The following LBP variants were observed in gnomAD, a reference collection of about 807,000 sequenced individuals.
The protein encoded by LBP is lipopolysaccharide binding protein.
A neutral mutation model predicts 56.6 loss-of-function variants in LBP; 53 were observed. The ratio of observed to expected loss-of-function variants is 0.94; its 90% CI spans 0.75 to 1.18. LBP has a LOEUF of 1.18. Ranked by LOEUF, LBP falls within the 50% of genes most tolerant of loss-of-function variation. LBP has a pLI of 0.00. For synonymous variants in LBP, 227 were observed against 247.5 expected, an observed-to-expected ratio of 0.92 and a Z score of 0.78; for missense variants, 601 against 598.3, an observed-to-expected ratio of 1.00 and a Z score of -0.05.
Position 38,376,811 on chromosome 20 carries a change from C to A in LBP, c.*142C>A. ...GGTGAGGTGTGCCTGGCCTCTGCCT[C>A]CACCCTCCTCCTCTTCACCAGGTGC... is the stretch of plus-strand genomic sequence containing the variant. On this transcript the variant is annotated 3_prime_UTR_variant, in exon 15 of 15. Transcript: ENST00000217407. 2.5e-6 allele frequency: 2 copies of A among 813,912 alleles called. No individual in the cohort carries two copies. Among genetic ancestry groups the A allele is most frequent in the East Asian group, 2.5e-5 (1 of 40,130 alleles). 50.4% of individuals were successfully genotyped at this position (813,912 alleles called of 1,614,324 possible). A position where few individuals can be genotyped will look rare whatever the true frequency, so the allele number is the denominator to read the frequency against.
At chr20:38,354,048 G>C (rs1403977242) in intron 3 of LBP, among the ~76,000 whole-genome samples, 1 of 151,958 alleles carries the variant, frequency 6.6e-6, no homozygotes. Context: ...GTTTATCAAG[G>C]ATTTCCTTTA....
At chr20:38,371,537 C>T (rs2076900872) in intron 12 of LBP, among the ~76,000 whole-genome samples, 1 of 152,168 alleles carries the variant, frequency 6.6e-6, no homozygotes, top group South Asian at 2.1e-4. Flanking sequence ...ATCTACTGAA[C>T]AGAATTCTCT....
At chr20:38,372,600 G>A (rs1013317527) in intron 12 of LBP, among the ~76,000 whole-genome samples, 4 of 152,088 alleles carry the variant, frequency 2.6e-5, no homozygotes, top group South Asian at 2.1e-4. Flanking sequence ...TCAGTTTCCC[G>A]ATATATGGAA....
At position 38,355,420 on chromosome 20, in the gene LBP, C is replaced by T; in HGVS notation, c.588+11C>T. ...GTACTGGAGAGCAGGGTAAGAAGGTCCAAGCCTCTGGCCTCCCCCGAGCTT... is the reference window on the plus strand; with the variant it reads ...GTACTGGAGAGCAGGGTAAGAAGGTTCAAGCCTCTGGCCTCCCCCGAGCTT... On this transcript the variant is annotated intron_variant, in intron 5 of 14. Transcript: ENST00000217407. 3 of 1,612,608 alleles carry T rather than the reference C, an allele frequency of 1.9e-6. No homozygotes were observed. The highest frequency in any genetic ancestry group is 2.5e-6 in the Non-Finnish European group (3 of 1,179,224).
chr20:38,357,279 G>A (rs1392084491), intron 5 of LBP, among the ~76,000 whole-genome samples: 2 of 152,168 alleles, frequency 1.3e-5, no homozygotes, highest in Admixed American at 6.5e-5. Context: ...ATCAGGATTG[G>A]AGCTTCCTAG....
Position 38,376,956 on chromosome 20 carries a change from A to T in LBP, c.*287A>T, listed in dbSNP as rs1482903393. 1 of 573,030 alleles carries T rather than the reference A, an allele frequency of 1.7e-6. No homozygotes were observed. The highest frequency in any genetic ancestry group is 1.5e-5 in the South Asian group (1 of 65,640). 35.5% of individuals were successfully genotyped at this position (573,030 alleles called of 1,614,324 possible). ...TTTTTTTATTCGCCATCTGATCCCC[A>T]TGCCTAGCAGAGTGCTGGCACTTAG... On this transcript the variant is annotated 3_prime_UTR_variant, in exon 15 of 15. Transcript: ENST00000217407.
chr20:38,354,106 T>C (rs2076829972), intron 3 of LBP, among the ~76,000 whole-genome samples, 178 bp from the exon 4 acceptor site: 1 of 152,228 alleles, frequency 6.6e-6, no homozygotes, highest in African/African-American at 2.4e-5. Context: ...CATCCAGCCC[T>C]GCCTGGAAAT....
At chr20:38,362,758 G>A (rs1031541464) in intron 6 of LBP, among the ~76,000 whole-genome samples, 1 of 152,008 alleles carries the variant, frequency 6.6e-6, no homozygotes, top group Admixed American at 6.6e-5. Flanking sequence ...GGCCAGCCCG[G>A]GCAACATAGC....
rs113369278 is a variant in LBP at position 38,349,344 on chromosome 20, TA to T, written c.125-202del. Among the ~76,000 whole-genome samples the T allele has an allele frequency of 6.7e-3, 1,013 of 152,280 alleles. 13 individuals are homozygous for T. The highest frequency in any genetic ancestry group is 0.023 in the African/African-American group (958 of 41,564). ...CTCATCAGTAAAATGGGCATGAACC[TA>T]ACAATGCCACAGAAATGCAGGGACA... On this transcript the variant is annotated intron_variant, in intron 1 of 14. Coordinates refer to ENST00000217407, the MANE Select transcript of LBP (RefSeq NM_004139.5).
At chr20:38,350,769 C>T (rs1224777393) in intron 2 of LBP, 42 bp from the exon 3 acceptor site, 2 of 1,576,884 alleles carry the variant, frequency 1.3e-6, no homozygotes, top group Non-Finnish European at 8.6e-7. Flanking sequence ...AGGCTGGGTC[C>T]AGGCCCAGGG....
intron 1 of LBP, among the ~76,000 whole-genome samples, chr20:38,347,118 C>T (rs974779961): frequency 6.6e-6 from 1 of 152,164 alleles, no homozygotes; most frequent in African/African-American, 2.4e-5. Context: ...GGGAGGTCTG[C>T]CGGGGTGCTG....
rs146512052 is a variant in LBP, at chr20:38,347,473, G to C, written c.124+833G>C. 2.2e-3 allele frequency among the ~76,000 whole-genome samples: 340 copies of C among 152,282 alleles called. 2 individuals are homozygous for C. The highest frequency in any genetic ancestry group is 7.8e-3 in the African/African-American group (324 of 41,554). On this transcript the variant is annotated intron_variant, in intron 1 of 14. Coordinates refer to ENST00000217407, the MANE Select transcript of LBP (RefSeq NM_004139.5). The stretch of plus-strand genomic sequence containing the variant: ...GCAGGAGAATCGCTTGAACCCGGGA[G>C]GCAGAGGTTGCAGTGAGCCGAGATC...
At chr20:38,374,421 A>G (rs893769760) in intron 14 of LBP, among the ~76,000 whole-genome samples, 7 of 151,852 alleles carry the variant, frequency 4.6e-5, no homozygotes, top group Admixed American at 6.6e-5. Flanking sequence ...ACATGGTGAA[A>G]CCCCATCTCT....
intron 10 of LBP, among the ~76,000 whole-genome samples, chr20:38,370,324 C>T (rs959993012): frequency 7.2e-5 from 11 of 152,028 alleles, no homozygotes; most frequent in Non-Finnish European, 1.5e-4. Flanking sequence ...TGCAGTGAGC[C>T]ATGATTGCAC....
intron 11 of LBP, 138 bp from the exon 12 acceptor site, chr20:38,371,142 C>A: frequency 1.5e-6 from 1 of 658,056 alleles, no homozygotes; most frequent in South Asian, 1.9e-5. Flanking sequence ...GTTCCTCAGT[C>A]ATCTTTTCCA....
chr20:38,362,457 A>T (rs924014696), intron 6 of LBP, among the ~76,000 whole-genome samples: 3 of 150,892 alleles, frequency 2.0e-5, no homozygotes, highest in Non-Finnish European at 3.0e-5. Context: ...TACTAAAAAT[A>T]CAAAAATTAG....
chr20:38,375,936 T>C (rs934823794), intron 14 of LBP, among the ~76,000 whole-genome samples: 1 of 152,228 alleles, frequency 6.6e-6, no homozygotes, highest in Non-Finnish European at 1.5e-5. Context: ...GGCTCTGAGA[T>C]ACTCAGCACT....
At chr20:38,359,256 A>G (rs1192372672) in intron 5 of LBP, among the ~76,000 whole-genome samples, 1 of 151,180 alleles carries the variant, frequency 6.6e-6, no homozygotes, top group Non-Finnish European at 1.5e-5. Flanking sequence ...ACCTTTCCAG[A>G]GTATTTATCT....
rs113915430 is a variant in LBP at position 38,372,285 on chromosome 20, C to A, written c.1261-787C>A. ...ACCACCTCCACCTGTGCCCTGCCTC[C>A]CAGACTTTCCCGAAGCACTTATGAA... On this transcript the variant is annotated intron_variant, in intron 12 of 14. Coordinates refer to ENST00000217407, the MANE Select transcript of LBP (RefSeq NM_004139.5). 3.2e-4 allele frequency among the ~76,000 whole-genome samples: 48 copies of A among 152,266 alleles called. 3 individuals are homozygous for A. Among genetic ancestry groups the A allele is most frequent in the African/African-American group, 1.1e-3 (46 of 41,546 alleles).
Sources: gnomAD v4.1 joint callset for allele counts (sites outside exome capture counted in the v4.1 genomes callset) on GRCh38, gnomAD v4.1.1 for gene constraint, MANE v1.5 for transcripts, NCBI Gene and HGNC (gene_info 2026-07-23, HGNC 2026-07-21) for gene names.